WDR33: variants seen among roughly 807,000 people sequenced by gnomAD.
WDR33 encodes the protein pre-mRNA 3' end processing protein WDR33.
WDR33 carries 47 observed loss-of-function variants against 164.9 expected under a neutral mutation model. The observed-to-expected ratio is 0.29, with a 90% CI of 0.23 to 0.36. The LOEUF is 0.36. Among genes scored for constraint, WDR33 ranks in the 10% least tolerant of loss-of-function variants. The probability of loss-of-function intolerance (pLI) is 1.00; values close to 1 mark genes in which losing one functional copy is unlikely to be tolerated. For synonymous variants in WDR33, 505 were observed against 589.0 expected (o/e 0.86, Z 2.06); for missense variants, 1,137 against 1,754.1 (o/e 0.65, Z 6.28).
chr2:127,763,187 A>G lies in WDR33; in HGVS notation c.627-28T>C, dbSNP rs769894443. 1.9e-6 allele frequency: 3 copies of G among 1,613,876 alleles called. No homozygotes were observed. In the South Asian group the frequency reaches 3.3e-5, roughly 18 times the overall value. On this transcript the variant is annotated intron_variant, in intron 6 of 21. Coordinates refer to ENST00000322313, the MANE Select transcript of WDR33 (RefSeq NM_018383.5). This position sits in a 1 kb window ranked among gnomAD's most constrained non-coding sequence, Gnocchi z 4.5. ...GTTACATGAAGACACACAGCAGGGG[A>G]AAGAAGTCAGCATTTAACAGATAAT...
At chr2:127,747,978 C>T (rs1687214582) in intron 7 of WDR33, among the ~76,000 whole-genome samples, 1 of 152,148 alleles carries the variant, frequency 6.6e-6, no homozygotes, top group Admixed American at 6.5e-5. Context: ...CACTCCAAGA[C>T]CATGGCAAAG....
Position 127,701,957 on chromosome 2 carries a change from C to T in WDR33, c.*4366G>A, listed in dbSNP as rs1432892895. On this transcript the variant is annotated 3_prime_UTR_variant, in exon 22 of 22. Transcript: ENST00000322313. Reference sequence around the variant, plus strand: ...TGCTGCGCTGCGAAGAAGCGCCGTCCCGGCCCGCGCTGCTCTACATGGCAG... The same window carrying T: ...TGCTGCGCTGCGAAGAAGCGCCGTCTCGGCCCGCGCTGCTCTACATGGCAG... 9 of 1,398,398 alleles carry T rather than the reference C, an allele frequency of 6.4e-6. No homozygotes were observed. The African/African-American group carries it at 1.1e-4, about 17-fold the overall frequency. 86.6% of individuals were successfully genotyped at this position (1,398,398 alleles called of 1,614,324 possible). A position where few individuals can be genotyped will look rare whatever the true frequency, so the allele number is the denominator to read the frequency against.
chr2:127,751,431 TAAA>T (rs1172252462), intron 7 of WDR33, among the ~76,000 whole-genome samples: 72 of 133,324 alleles, frequency 5.4e-4, no homozygotes, highest in African/African-American at 1.9e-3. Context: ...ATGCTCTATT[TAAA>T]AAAAAAAAAA....
rs1395887348 is a variant in WDR33 at position 127,702,058 on chromosome 2, T to C, written c.*4265A>G. On this transcript the variant is annotated 3_prime_UTR_variant, in exon 22 of 22. Coordinates refer to ENST00000322313, the MANE Select transcript of WDR33 (RefSeq NM_018383.5). ...ACGGTGCTGGGCGCGGGCGCGCAGG[T>C]GGCCGCGCTGCTGGCCGCGCTGGTT... 1.3e-5 allele frequency: 16 copies of C among 1,209,920 alleles called. No homozygotes were observed. The highest frequency in any genetic ancestry group is 4.3e-5 in the Admixed American group (1 of 23,024). The allele number at this position is 1,209,920 out of a possible 1,614,324, so 74.9% of individuals were successfully genotyped here. A position where few individuals can be genotyped will look rare whatever the true frequency, so the allele number is the denominator to read the frequency against.
At chr2:127,707,234 A>G (rs1686039905) in intron 21 of WDR33, among the ~76,000 whole-genome samples, 2 of 151,536 alleles carry the variant, frequency 1.3e-5, no homozygotes, top group African/African-American at 4.8e-5. Context: ...ATATTTAAAA[A>G]AAAAAAAAAA....
At chr2:127,800,695 G>T (rs1490888656) in intron 1 of WDR33, among the ~76,000 whole-genome samples, 1 of 149,918 alleles carries the variant, frequency 6.7e-6, no homozygotes, top group African/African-American at 2.5e-5. Context: ...AGGAATTGCA[G>T]AGGGAAAAAA....
chr2:127,711,768 ATATATATATATATT>A (rs1263067622), intron 18 of WDR33, among the ~76,000 whole-genome samples: 3 of 70,248 alleles, frequency 4.3e-5, no homozygotes, highest in South Asian at 7.1e-4. Flanking sequence ...ATATATATAT[ATATATATATATATT>A]TTTTTTTTGA....
intron 1 of WDR33, among the ~76,000 whole-genome samples, chr2:127,785,778 A>G (rs899916856): frequency 2.6e-5 from 4 of 152,224 alleles, no homozygotes; most frequent in African/African-American, 9.6e-5. Context: ...CAAAACTACT[A>G]TAAACATTTG....
chr2:127,734,604 T>G (rs1309637280), intron 7 of WDR33, among the ~76,000 whole-genome samples: 2 of 152,218 alleles, frequency 1.3e-5, no homozygotes, highest in Non-Finnish European at 2.9e-5. Flanking sequence ...TCAAAATAAA[T>G]GTGCATGATG....
chr2:127,747,967 T>C (rs562141049), intron 7 of WDR33, among the ~76,000 whole-genome samples: 5 of 152,276 alleles, frequency 3.3e-5, no homozygotes, highest in African/African-American at 9.6e-5. Flanking sequence ...TCAAAAGTAG[T>C]CACTCCAAGA....
chr2:127,743,359 C>T (rs13400757), intron 7 of WDR33, among the ~76,000 whole-genome samples: 3,228 of 152,188 alleles, frequency 0.021, 124 homozygotes, highest in African/African-American at 0.075. Context: ...GACAGCATGA[C>T]AGACTTAATA....
Position 127,708,777 on chromosome 2 carries a change from G to T in WDR33, c.3681C>A (p.Ser1227=). ...GCCAGGGGCGCTTTCGGGGAGGTAGGGATGCCATGTCCATGCCTTGGAGAG... is the reference window on the plus strand; with the variant it reads ...GCCAGGGGCGCTTTCGGGGAGGTAGTGATGCCATGTCCATGCCTTGGAGAG... ...SSSLQGMDMA[S]LPPRKRPWHD... Residue 1227 remains serine, a synonymous_variant, in exon 21 of 22, where the codon TCC becomes TCA. Transcript: ENST00000322313. This position sits in a 1 kb window ranked among gnomAD's most constrained non-coding sequence, Gnocchi z 6.7. 6.2e-7 allele frequency: 1 copy of T among 1,613,938 alleles called. No individual in the cohort carries two copies.
At position 127,750,745 on chromosome 2, in the gene WDR33, CAT is replaced by C. The variant is rs3991688; in HGVS notation, c.724+12315_724+12316del. Among the ~76,000 whole-genome samples the C allele has an allele frequency of 4.1e-3, 321 of 78,214 alleles. 7 individuals are homozygous for C. Among genetic ancestry groups the C allele is most frequent in the Middle Eastern group, 7.8e-3 (1 of 128 alleles). The allele number at this position is 78,214 out of a possible 152,430, so 51.3% of individuals were successfully genotyped here. ...ATGCATACATATATATGTATGCATA[CAT>C]ATATATGTATACATACATATATATA... On this transcript the variant is annotated intron_variant, in intron 7 of 21. Coordinates refer to ENST00000322313, the MANE Select transcript of WDR33 (RefSeq NM_018383.5).
chr2:127,787,399 G>A (rs1186320456), intron 1 of WDR33, among the ~76,000 whole-genome samples: 1 of 124,044 alleles, frequency 8.1e-6, no homozygotes, highest in South Asian at 3.1e-4. Flanking sequence ...GGTGGTGGCC[G>A]GGCAGAGGGG....
rs928683131 is a variant in WDR33 at position 127,764,660 on chromosome 2, C to T, written c.626+168G>A. 6.4e-7 allele frequency: 1 copy of T among 1,568,564 alleles called. No homozygotes were observed. Among genetic ancestry groups the T allele is most frequent in the African/African-American group, 1.4e-5 (1 of 73,308 alleles). ...GGACAACACTACTTCAGAAAGGTGC[C>T]AGCAAAATGGTGAATGTGTGAAAAC... On this transcript the variant is annotated intron_variant, in intron 6 of 21. Coordinates refer to ENST00000322313, the MANE Select transcript of WDR33 (RefSeq NM_018383.5). The surrounding 1 kb of genome is among the most constrained non-coding windows in gnomAD (Gnocchi z 6.2).
rs1392450211 is a variant in WDR33 at position 127,702,111 on chromosome 2, G to A, written c.*4212C>T. ...GCTGCTGCCCTGGGGCGGCGGCACC[G>A]CGCTGCGCCTCGCACTGGGTCGCCT... On this transcript the variant is annotated 3_prime_UTR_variant, in exon 22 of 22. Coordinates refer to ENST00000322313, the MANE Select transcript of WDR33 (RefSeq NM_018383.5). 3.3e-6 allele frequency: 4 copies of A among 1,217,216 alleles called. No homozygotes were observed. Among genetic ancestry groups the A allele is most frequent in the Non-Finnish European group, 3.1e-6 (3 of 980,660 alleles). The allele number at this position is 1,217,216 out of a possible 1,614,324, so 75.4% of individuals were successfully genotyped here. A position where few individuals can be genotyped will look rare whatever the true frequency, so the allele number is the denominator to read the frequency against.
rs558300090 is a variant in WDR33 at position 127,701,359 on chromosome 2, T to C, written c.*4964A>G. ...CAGGCAGCACCTGCGACCACGGTAC[T>C]TGGGGACACCACAAAAGTCCGCAGA... On this transcript the variant is annotated 3_prime_UTR_variant, in exon 22 of 22. Transcript: ENST00000322313. 98 of 543,890 alleles carry C rather than the reference T, an allele frequency of 1.8e-4. No homozygotes were observed. The African/African-American group carries it at 1.8e-3, about 10-fold the overall frequency. 33.7% of individuals were successfully genotyped at this position (543,890 alleles called of 1,614,324 possible).
Position 127,709,084 on chromosome 2 carries a change from G to C in WDR33, c.3566-192C>G, listed in dbSNP as rs1207156891. On this transcript the variant is annotated intron_variant, in intron 20 of 21. Coordinates refer to ENST00000322313, the MANE Select transcript of WDR33 (RefSeq NM_018383.5). This position sits in a 1 kb window ranked among gnomAD's most constrained non-coding sequence, Gnocchi z 5.0. ...GTAAGAGGGGCAGGTAAGATCCAGA[G>C]AACTCGTTCTCAGGCATTGTAGTAT... Among the ~76,000 whole-genome samples, 1 of 152,148 alleles carries C rather than the reference G, an allele frequency of 6.6e-6. No individual in the cohort carries two copies. The highest frequency in any genetic ancestry group is 1.9e-4 in the East Asian group (1 of 5,198).
Position 127,708,930 on chromosome 2 carries a change from G to A in WDR33, c.3566-38C>T, listed in dbSNP as rs1249242342. Reference sequence around the variant, plus strand: ...ACAAATCTCCTTACAGGAAAGCACAGTGTGACCAGAAGTAGATGGGAATGA... The same window carrying A: ...ACAAATCTCCTTACAGGAAAGCACAATGTGACCAGAAGTAGATGGGAATGA... On this transcript the variant is annotated intron_variant, in intron 20 of 21. Coordinates refer to ENST00000322313, the MANE Select transcript of WDR33 (RefSeq NM_018383.5). The surrounding 1 kb of genome is among the most constrained non-coding windows in gnomAD (Gnocchi z 6.7). 6.6e-7 allele frequency: 1 copy of A among 1,509,250 alleles called. No homozygotes were observed. The highest frequency in any genetic ancestry group is 1.3e-5 in the South Asian group (1 of 75,288). The allele number at this position is 1,509,250 out of a possible 1,614,324, so 93.5% of individuals were successfully genotyped here.
Sources: allele counts gnomAD v4.1 joint callset (sites outside exome capture counted in the v4.1 genomes callset), GRCh38; gene constraint gnomAD v4.1.1; non-coding constraint Gnocchi (gnomAD v3.1); transcripts MANE v1.5; gene names NCBI Gene and HGNC (gene_info 2026-07-23, HGNC 2026-07-21).